Variants in FAM78B observed in about 807,000 individuals in gnomAD.
FAM78B encodes protein FAM78B.
FAM78B carries 10 observed loss-of-function variants against 20.0 expected under a neutral mutation model. The ratio of observed to expected loss-of-function variants is 0.50; its 90% CI spans 0.31 to 0.85. FAM78B has a LOEUF of 0.85. FAM78B is among the 40% of genes least tolerant of loss of function. The pLI is 0.05. For synonymous variants in FAM78B, 135 were observed against 132.8 expected (o/e 1.02, Z -0.12); for missense variants, 283 against 345.0 (o/e 0.82, Z 1.42).
chr1:166,131,029 T>C (rs1254743370), intron 1 of FAM78B, among the ~76,000 whole-genome samples: 4 of 150,354 alleles, frequency 2.7e-5, no homozygotes, highest in Admixed American at 2.7e-4. Context: ...GTTCAACATG[T>C]TGCCCAGGCT....
intron 1 of FAM78B, among the ~76,000 whole-genome samples, chr1:166,141,475 ACTC>A (rs144659699): frequency 1.2e-3 from 187 of 152,050 alleles, no homozygotes; most frequent in African/African-American, 4.3e-3. Context: ...TAGTTTTGAA[ACTC>A]CTTTGTCTAA....
chr1:166,154,204 G>T (rs893354326), intron 1 of FAM78B, among the ~76,000 whole-genome samples: 5 of 152,208 alleles, frequency 3.3e-5, no homozygotes, highest in Non-Finnish European at 7.3e-5. Context: ...AGCTGCCAGG[G>T]GCTAGGAAGA....
chr1:166,084,237 A>ACACACACACACACACACACACCCACT (rs771421402), intron 1 of FAM78B, among the ~76,000 whole-genome samples: 1 of 125,416 alleles, frequency 8.0e-6, no homozygotes, highest in African/African-American at 2.9e-5. Context: ...ACACACACAC[A>ACACACACACACACACACACACCCACT]CTCTCTCTCT....
intron 1 of FAM78B, 127 bp downstream of exon 1, chr1:166,165,859 G>C (rs113739137): frequency 7.4e-6 from 8 of 1,079,650 alleles, no homozygotes; most frequent in East Asian, 5.0e-5. Flanking sequence ...GGTGGGAGAG[G>C]AGGCGGGAGG....
intron 1 of FAM78B, among the ~76,000 whole-genome samples, chr1:166,146,585 G>C (rs1655463621): frequency 6.6e-6 from 1 of 152,150 alleles, no homozygotes; most frequent in Non-Finnish European, 1.5e-5. Context: ...AAGGGCAAGG[G>C]GGGTCTGAGG....
chr1:166,058,246 G>C (rs1440256560), exon 3 of FAM78B: 1 of 152,146 alleles, frequency 6.6e-6, no homozygotes, highest in African/African-American at 2.4e-5. Flanking sequence ...ACCTGGGAAG[G>C]GTAACACTCG....
At chr1:166,079,331 G>A (rs1045453871) in intron 1 of FAM78B, among the ~76,000 whole-genome samples, 1 of 152,112 alleles carries the variant, frequency 6.6e-6, no homozygotes, top group East Asian at 1.9e-4. Context: ...CCCCTCCTTC[G>A]AGAACACTCT....
In FAM78B at chr1:166,103,655, C is replaced by T. The variant is rs7517256; in HGVS notation, c.264-32892G>A. Among the ~76,000 whole-genome samples the T allele has an allele frequency of 1.3e-4, 20 of 152,158 alleles. No individual in the cohort carries two copies. The South Asian group carries it at 1.5e-3, about 11-fold the overall frequency. ...ACACCTTCCCAAGACTAAACCAGGACGAAGTTGAATCTCTGAATAGACCGA... is the reference window on the plus strand; with the variant it reads ...ACACCTTCCCAAGACTAAACCAGGATGAAGTTGAATCTCTGAATAGACCGA... On this transcript the variant is annotated intron_variant, in intron 1 of 1. Coordinates refer to ENST00000354422, the MANE Select transcript of FAM78B (RefSeq NM_001017961.5).
At chr1:166,078,310 T>A (rs1280784171) in intron 1 of FAM78B, among the ~76,000 whole-genome samples, 1 of 152,106 alleles carries the variant, frequency 6.6e-6, no homozygotes, top group Non-Finnish European at 1.5e-5. Context: ...ATTACAGGCG[T>A]GAGCCACCGT....
intron 1 of FAM78B, among the ~76,000 whole-genome samples, chr1:166,124,061 G>C (rs1352511401): frequency 6.6e-6 from 1 of 152,122 alleles, no homozygotes; most frequent in Non-Finnish European, 1.5e-5. Context: ...CCCTGCTTTG[G>C]CCTCATCACT....
intron 1 of FAM78B, among the ~76,000 whole-genome samples, chr1:166,120,241 A>G (rs961379623): frequency 6.6e-6 from 1 of 152,236 alleles, no homozygotes; most frequent in African/African-American, 2.4e-5. Flanking sequence ...CATTTTATAC[A>G]CATAGTACCC....
chr1:166,058,392 G>C (rs1025498471), exon 3 of FAM78B: 4 of 152,182 alleles, frequency 2.6e-5, no homozygotes, highest in African/African-American at 9.7e-5. Context: ...GGAATGGCTG[G>C]GCAGCTGAGG....
In FAM78B at chr1:166,113,360, C is replaced by T. The variant is rs1397794806; in HGVS notation, c.264-42597G>A. On this transcript the variant is annotated intron_variant, in intron 1 of 1. Transcript: ENST00000354422. Reference sequence around the variant, plus strand: ...TGCATGTTCAGATTACTTCACTGCTCCAGCTCTGGTTTCCTCATCTGTTAA... The same window carrying T: ...TGCATGTTCAGATTACTTCACTGCTTCAGCTCTGGTTTCCTCATCTGTTAA... Among the ~76,000 whole-genome samples, 8 of 152,342 alleles carry T rather than the reference C, an allele frequency of 5.3e-5. No individual in the cohort carries two copies. In the South Asian group the frequency reaches 6.2e-4, roughly 12 times the overall value.
At position 166,070,426 on chromosome 1, in the gene FAM78B, GGTCCACTTCAAT is replaced by G; in HGVS notation, c.589_600del (p.Ile197_Asp200del). ...GCCCGCTGCCCCAAGAGCTGAAGAG[GGTCCACTTCAAT>G]GTCCACCCTCATCCTCCACTTGATG... On this transcript the variant is annotated inframe_deletion, in exon 2 of 2. Coordinates refer to ENST00000354422, the MANE Select transcript of FAM78B (RefSeq NM_001017961.5). The G allele has an allele frequency of 6.2e-7, 1 of 1,614,162 alleles. No homozygotes were observed. Among genetic ancestry groups the G allele is most frequent in the Non-Finnish European group, 8.5e-7 (1 of 1,180,026 alleles).
downstream of FAM78B, among the ~76,000 whole-genome samples, chr1:166,066,603 T>A (rs1651803499): frequency 6.6e-6 from 1 of 152,194 alleles, no homozygotes; most frequent in Non-Finnish European, 1.5e-5. Flanking sequence ...CAATTTATTA[T>A]CTGAAAATGG....
chr1:166,099,612 G>T (rs2101745585), intron 1 of FAM78B, among the ~76,000 whole-genome samples: 1 of 152,242 alleles, frequency 6.6e-6, no homozygotes, highest in East Asian at 1.9e-4. Context: ...CAGCGAGCAG[G>T]GGTAGGTAGC....
chr1:166,095,196 C>G (rs1381382984), intron 1 of FAM78B, among the ~76,000 whole-genome samples: 1 of 152,172 alleles, frequency 6.6e-6, no homozygotes, highest in Non-Finnish European at 1.5e-5. Context: ...GGTTGCATTT[C>G]CCCGTTCCCA....
chr1:166,103,155 A>G (rs1362330318), intron 1 of FAM78B, among the ~76,000 whole-genome samples: 3 of 152,220 alleles, frequency 2.0e-5, no homozygotes, highest in African/African-American at 7.2e-5. Flanking sequence ...TTTGAAACCA[A>G]TGGGAACAAA....
At chr1:166,092,180 A>G (rs143536424) in intron 1 of FAM78B, among the ~76,000 whole-genome samples, 1 of 152,334 alleles carries the variant, frequency 6.6e-6, no homozygotes, top group East Asian at 1.9e-4. Context: ...TGAGCCAGAA[A>G]TAATTAGCTA....
Sources: allele counts gnomAD v4.1 joint callset (sites outside exome capture counted in the v4.1 genomes callset), GRCh38; gene constraint gnomAD v4.1.1; transcripts MANE v1.5; gene names NCBI Gene and HGNC (gene_info 2026-07-23, HGNC 2026-07-21).